KCNQ5: variants seen among roughly 807,000 people sequenced by gnomAD.
KCNQ5 encodes the protein potassium voltage-gated channel subfamily KQT member 5.
KCNQ5 carries 30 observed loss-of-function variants against 98.2 expected under a neutral mutation model. The observed-to-expected ratio is 0.31, with a 90% CI of 0.23 to 0.41. The LOEUF is 0.41. Among genes scored for constraint, KCNQ5 ranks in the 10% least tolerant of loss-of-function variants. KCNQ5 has a pLI of 1.00. For missense variants in KCNQ5, 835 were observed against 1,182.5 expected (o/e 0.71, Z 4.31); for synonymous variants, 458 against 449.4 (o/e 1.02, Z -0.24).
At chr6:73,155,526 G>C (rs1233940196) in intron 10 of KCNQ5, among the ~76,000 whole-genome samples, 1 of 152,206 alleles carries the variant, frequency 6.6e-6, no homozygotes, top group Non-Finnish European at 1.5e-5. Context: ...TGGAGAATGG[G>C]ATGGAAAGGC....
At chr6:72,754,502 AT>A (rs1256830074) in intron 1 of KCNQ5, among the ~76,000 whole-genome samples, 1 of 152,084 alleles carries the variant, frequency 6.6e-6, no homozygotes, top group Non-Finnish European at 1.5e-5. Flanking sequence ...CTGGAGAAAT[AT>A]TTAGTTGCCA....
At chr6:73,181,610 A>G (rs929367825) in intron 11 of KCNQ5, among the ~76,000 whole-genome samples, 1 of 152,268 alleles carries the variant, frequency 6.6e-6, no homozygotes, top group Non-Finnish European at 1.5e-5. Context: ...TCACTTAGCA[A>G]AAGTGTATTG....
intron 1 of KCNQ5, chr6:72,678,585 A>G (rs768029707): frequency 1.3e-5 from 2 of 152,352 alleles, no homozygotes; most frequent in Non-Finnish European, 2.9e-5. Context: ...TATAAAAATT[A>G]CATTATTCCA....
intron 1 of KCNQ5, among the ~76,000 whole-genome samples, chr6:72,887,688 ATACTG>A (rs1778898555): frequency 6.6e-6 from 1 of 152,210 alleles, no homozygotes; most frequent in Non-Finnish European, 1.5e-5. Flanking sequence ...GTGGGTAAAT[ATACTG>A]ATTAAATTTA....
Position 73,133,504 on chromosome 6 carries a change from A to G in KCNQ5, c.1331A>G (p.Asp444Gly). ...AAGAGCCGACAAGCCTCAGTAGGTG[A>G]CAGGAGGTCCCCAAGCACCGACATC... ...SIKSRQASVG[D>G]RRSPSTDITA... The change falls in exon 10 of 14, where the codon GAC becomes GGC. Residue 444 changes from aspartate (D) to glycine (G), a missense_variant. Asp to Gly is a moderately conservative substitution (Grantham distance 94). Coordinates refer to ENST00000370398, the MANE Select transcript of KCNQ5 (RefSeq NM_019842.4). 1.9e-6 allele frequency: 3 copies of G among 1,614,164 alleles called. No individual in the cohort carries two copies. Among genetic ancestry groups the G allele is most frequent in the Non-Finnish European group, 2.5e-6 (3 of 1,180,008 alleles).
At chr6:73,160,103 TC>T in intron 10 of KCNQ5, among the ~76,000 whole-genome samples, 1 of 152,150 alleles carries the variant, frequency 6.6e-6, no homozygotes, top group Non-Finnish European at 1.5e-5. Context: ...AAGCTCCGCC[TC>T]CCGGGTTCAC....
intron 1 of KCNQ5, among the ~76,000 whole-genome samples, chr6:72,834,596 A>G (rs951497099): frequency 1.3e-5 from 2 of 152,198 alleles, no homozygotes; most frequent in Non-Finnish European, 2.9e-5. Flanking sequence ...CTTGGATAAG[A>G]AGACTGAAGC....
At chr6:72,912,451 G>A (rs1779980033) in intron 1 of KCNQ5, among the ~76,000 whole-genome samples, 1 of 152,134 alleles carries the variant, frequency 6.6e-6, no homozygotes, top group Admixed American at 6.6e-5. Context: ...GACAACTACT[G>A]TTTTCCTTTT....
At chr6:72,645,389 G>GAA (rs56851973) in intron 1 of KCNQ5, among the ~76,000 whole-genome samples, 1 of 142,516 alleles carries the variant, frequency 7.0e-6, no homozygotes. Context: ...TTGTCTCAAG[G>GAA]AAAAAAAAAA....
intron 1 of KCNQ5, among the ~76,000 whole-genome samples, chr6:72,758,465 G>C (rs1392364417): frequency 6.6e-6 from 1 of 152,126 alleles, no homozygotes; most frequent in African/African-American, 2.4e-5. Flanking sequence ...TGTAGCAGCA[G>C]ATAATCCAAG....
intron 3 of KCNQ5, among the ~76,000 whole-genome samples, chr6:73,056,901 AT>A (rs1468588792): frequency 6.6e-6 from 1 of 152,192 alleles, no homozygotes; most frequent in Non-Finnish European, 1.5e-5. Context: ...TAGTTCAACC[AT>A]TGTGGAAGAC....
At chr6:72,941,053 TC>T (rs1766208899) in intron 1 of KCNQ5, among the ~76,000 whole-genome samples, 1 of 152,106 alleles carries the variant, frequency 6.6e-6, no homozygotes, top group Admixed American at 6.5e-5. Context: ...GATTCAGAAA[TC>T]CCTGTTCCAT....
chr6:73,172,645 A>G (rs1287972513), intron 11 of KCNQ5, among the ~76,000 whole-genome samples: 4 of 152,192 alleles, frequency 2.6e-5, no homozygotes, highest in African/African-American at 9.6e-5. Flanking sequence ...TTGCCAGAAC[A>G]TGCCCACCTC....
intron 7 of KCNQ5, among the ~76,000 whole-genome samples, chr6:73,115,913 G>A (rs1386722445): frequency 6.6e-6 from 1 of 152,182 alleles, no homozygotes; most frequent in East Asian, 1.9e-4. Flanking sequence ...CAGCTATGCA[G>A]GCCTTGAGAA....
At chr6:72,658,362 C>T (rs980378668) in intron 1 of KCNQ5, among the ~76,000 whole-genome samples, 4 of 150,696 alleles carry the variant, frequency 2.7e-5, no homozygotes, top group African/African-American at 9.8e-5. Flanking sequence ...CTCACTGCAA[C>T]CTCTGCCTCC....
intron 1 of KCNQ5, among the ~76,000 whole-genome samples, chr6:72,926,861 A>G (rs1299694994): frequency 6.6e-6 from 1 of 152,182 alleles, no homozygotes; most frequent in Non-Finnish European, 1.5e-5. Flanking sequence ...TCTCTCAGTA[A>G]AACATTAGCA....
chr6:72,687,851 T>C (rs893564820), intron 1 of KCNQ5, among the ~76,000 whole-genome samples: 5 of 150,212 alleles, frequency 3.3e-5, no homozygotes, highest in African/African-American at 1.2e-4. Flanking sequence ...TTTTTTTTTT[T>C]TGACATGGAG....
intron 1 of KCNQ5, among the ~76,000 whole-genome samples, chr6:72,812,993 C>T (rs1053788581): frequency 6.6e-6 from 1 of 152,058 alleles, no homozygotes; most frequent in Non-Finnish European, 1.5e-5. Context: ...GATACTATTA[C>T]AATATAGTAT....
chr6:72,773,762 A>G (rs1773027614), intron 1 of KCNQ5, among the ~76,000 whole-genome samples: 1 of 152,190 alleles, frequency 6.6e-6, no homozygotes, highest in Admixed American at 6.6e-5. Context: ...AACAATTAAA[A>G]TATTTGGCAA....
Sources: allele counts gnomAD v4.1 joint callset (sites outside exome capture counted in the v4.1 genomes callset), GRCh38; gene constraint gnomAD v4.1.1; transcripts MANE v1.5; gene names NCBI Gene and HGNC (gene_info 2026-07-23, HGNC 2026-07-21).